PEX5L: variants seen among roughly 807,000 people sequenced by gnomAD.
PEX5L encodes the protein PEX5-related protein.
In PEX5L, 30 loss-of-function variants were observed where a neutral mutation model predicts 84.0. The ratio of observed to expected loss-of-function variants is 0.36; its 90% CI spans 0.27 to 0.48. PEX5L has a LOEUF of 0.48. Ranked by LOEUF, PEX5L falls within the 20% of genes least tolerant of loss-of-function variation. PEX5L has a pLI of 0.99. For missense variants in PEX5L, 533 were observed against 754.6 expected (o/e 0.71, Z 3.44); for synonymous variants, 270 against 283.1 (o/e 0.95, Z 0.46).
chr3:179,797,046 T>C lies in PEX5L; in HGVS notation c.*4782A>G, dbSNP rs1717244266. The C allele has an allele frequency of 6.6e-6, 1 of 152,196 alleles. No homozygotes were observed. The highest frequency in any genetic ancestry group is 2.1e-4 in the South Asian group (1 of 4,828). 9.4% of individuals were successfully genotyped at this position (152,196 alleles called of 1,614,324 possible). On this transcript the variant is annotated 3_prime_UTR_variant, in exon 15 of 15. Transcript: ENST00000467460. ...AGTTTTTCTAATTTATTCCCAAACT[T>C]TTAGAAAAATTTTGAAATGCATTAT... is the stretch of plus-strand genomic sequence containing the variant.
intron 10 of PEX5L, among the ~76,000 whole-genome samples, chr3:179,814,422 G>T (rs1725233205): frequency 1.3e-5 from 2 of 152,098 alleles, no homozygotes; most frequent in Non-Finnish European, 2.9e-5. Flanking sequence ...TAACTGATTT[G>T]CCCCAGGTCC....
intron 7 of PEX5L, among the ~76,000 whole-genome samples, chr3:179,860,414 T>A (rs1480962335): frequency 6.6e-6 from 1 of 152,246 alleles, no homozygotes; most frequent in East Asian, 1.9e-4. Flanking sequence ...GTAGCAGTGA[T>A]GCTCAACCCT....
chr3:179,973,721 A>G, intron 1 of PEX5L: 2 of 985,394 alleles, frequency 2.0e-6, no homozygotes, highest in Non-Finnish European at 2.4e-6. Flanking sequence ...CCGCCTCTCC[A>G]ATCTCAACTC....
At chr3:179,891,678 G>T (rs770230628) in intron 3 of PEX5L, among the ~76,000 whole-genome samples, 10 of 152,036 alleles carry the variant, frequency 6.6e-5, no homozygotes, top group South Asian at 2.1e-4. Flanking sequence ...ATCTAAAATG[G>T]TCCAATTTTA....
At chr3:179,986,520 A>G (rs1219247760) in intron 1 of PEX5L, among the ~76,000 whole-genome samples, 2 of 148,814 alleles carry the variant, frequency 1.3e-5, no homozygotes. Flanking sequence ...CTCCTGCCTC[A>G]GCCTCCCGAG....
rs530934885 is a variant in PEX5L, at chr3:179,875,540, G to T, written c.506-63C>A. 11 of 1,219,636 alleles carry T rather than the reference G, an allele frequency of 9.0e-6. No homozygotes were observed. The East Asian group carries it at 1.3e-4, about 14-fold the overall frequency. 75.6% of individuals were successfully genotyped at this position (1,219,636 alleles called of 1,614,324 possible). A position where few individuals can be genotyped will look rare whatever the true frequency, so the allele number is the denominator to read the frequency against. ...GCAGGGCGGGGTAGGGGGAGCGGTG[G>T]CGGGGAGTGGGGTGAGGGTGGAGCG... On this transcript the variant is annotated intron_variant, in intron 5 of 14. Transcript: ENST00000467460.
intron 2 of PEX5L, among the ~76,000 whole-genome samples, chr3:179,950,374 G>A (rs901248572): frequency 6.6e-6 from 1 of 151,864 alleles, no homozygotes; most frequent in Non-Finnish European, 1.5e-5. Context: ...TGAGGGGAGG[G>A]GGTGGGGAGG....
chr3:179,911,700 G>T (rs1765241757), intron 2 of PEX5L, among the ~76,000 whole-genome samples: 1 of 152,088 alleles, frequency 6.6e-6, no homozygotes, highest in Non-Finnish European at 1.5e-5. Context: ...CCTAACAATA[G>T]AAATCCAAAG....
intron 9 of PEX5L, among the ~76,000 whole-genome samples, chr3:179,817,326 C>T (rs548075861): frequency 8.5e-5 from 13 of 152,210 alleles, no homozygotes; most frequent in East Asian, 1.9e-4. Context: ...GCTTAGGCCT[C>T]GCTTAGTTTT....
At chr3:179,973,886 C>G in intron 1 of PEX5L, 1 of 985,492 alleles carries the variant, frequency 1.0e-6, no homozygotes, top group South Asian at 4.7e-5. Flanking sequence ...AGTCTCCAAA[C>G]AGCACACAAC....
chr3:179,986,776 T>C (rs1786894060), intron 1 of PEX5L, among the ~76,000 whole-genome samples: 1 of 152,180 alleles, frequency 6.6e-6, no homozygotes, highest in Admixed American at 6.5e-5. Flanking sequence ...AATTAGAACT[T>C]AAGATTTTCT....
At chr3:180,035,961 G>T (rs1791870795) in intron 1 of PEX5L, among the ~76,000 whole-genome samples, 1 of 152,120 alleles carries the variant, frequency 6.6e-6, no homozygotes, top group Non-Finnish European at 1.5e-5. Context: ...CAGCTCAGAT[G>T]AATATTAATA....
intron 9 of PEX5L, among the ~76,000 whole-genome samples, chr3:179,816,611 T>C (rs974804615): frequency 3.9e-5 from 6 of 152,004 alleles, no homozygotes; most frequent in Non-Finnish European, 7.4e-5. Flanking sequence ...AGGGGAGGGA[T>C]AGCAACAGGA....
chr3:179,890,906 A>T (rs1449090414), intron 3 of PEX5L, among the ~76,000 whole-genome samples: 2 of 151,880 alleles, frequency 1.3e-5, no homozygotes, highest in African/African-American at 4.9e-5. Context: ...GCAAAGGAAA[A>T]GGCACAATTC....
chr3:179,847,451 T>A (rs1739970437), intron 8 of PEX5L, among the ~76,000 whole-genome samples: 1 of 152,120 alleles, frequency 6.6e-6, no homozygotes, highest in Admixed American at 6.5e-5. Flanking sequence ...ATTCTCTTAA[T>A]CAATAGGAAG....
At chr3:180,021,572 T>C (rs1211762285) in intron 1 of PEX5L, among the ~76,000 whole-genome samples, 1 of 152,120 alleles carries the variant, frequency 6.6e-6, no homozygotes, top group African/African-American at 2.4e-5. Context: ...AAAAGGATGA[T>C]ATGAGAGAGG....
chr3:179,818,258 T>A (rs535297696), intron 9 of PEX5L, among the ~76,000 whole-genome samples: 60 of 151,932 alleles, frequency 3.9e-4, no homozygotes, highest in Non-Finnish European at 5.7e-4. Flanking sequence ...GTTTTTCTTT[T>A]ATTCTTTTAA....
intron 2 of PEX5L, among the ~76,000 whole-genome samples, chr3:179,920,521 A>G (rs1273424362): frequency 6.6e-6 from 1 of 152,226 alleles, no homozygotes; most frequent in Non-Finnish European, 1.5e-5. Flanking sequence ...ATAACCTGTT[A>G]TATAACAGGT....
At chr3:179,816,594 G>A (rs72622575) in intron 9 of PEX5L, among the ~76,000 whole-genome samples, 25,360 of 152,008 alleles carry the variant, frequency 0.17, 2,484 homozygotes, top group African/African-American at 0.27. Flanking sequence ...TTGAGGGGTC[G>A]GGGGCTAGGG....
Sources: gnomAD v4.1 joint callset for allele counts (sites outside exome capture counted in the v4.1 genomes callset) on GRCh38, gnomAD v4.1.1 for gene constraint, MANE v1.5 for transcripts, NCBI Gene and HGNC (gene_info 2026-07-23, HGNC 2026-07-21) for gene names.